The following TXNRD3 variants were observed in gnomAD, a reference collection of about 807,000 sequenced individuals.
The protein encoded by TXNRD3 is thioredoxin reductase 3, also known as TXNRD3 neighbor gene protein.
Under a neutral mutation model 78.2 loss-of-function variants are expected in TXNRD3, and 68 were observed. The observed-to-expected ratio is 0.87, with a 90% CI of 0.72 to 1.06. The LOEUF (loss-of-function observed/expected upper bound fraction) is 1.06. TXNRD3 is among the 50% of genes least tolerant of loss of function. TXNRD3 has a pLI of 0.00. For synonymous variants in TXNRD3, 296 were observed against 300.1 expected, an observed-to-expected ratio of 0.99 and a Z score of 0.14; for missense variants, 751 against 809.5, an observed-to-expected ratio of 0.93 and a Z score of 0.88.
At chr3:126,649,639 A>C (rs563744352) in intron 1 of TXNRD3, among the ~76,000 whole-genome samples, 2 of 152,378 alleles carry the variant, frequency 1.3e-5, no homozygotes, top group South Asian at 4.1e-4. Context: ...TGTTATATAC[A>C]TACAGTGGAA....
intron 5 of TXNRD3, among the ~76,000 whole-genome samples, chr3:126,643,168 C>A (rs887985283): frequency 6.6e-6 from 1 of 152,180 alleles, no homozygotes; most frequent in East Asian, 1.9e-4. Flanking sequence ...TCTTCCTCTG[C>A]CCTCTTCCCC....
intron 13 of TXNRD3, among the ~76,000 whole-genome samples, chr3:126,613,691 G>A (rs1282590413): frequency 5.3e-5 from 8 of 152,192 alleles, no homozygotes; most frequent in Non-Finnish European, 1.2e-4. Flanking sequence ...ACATCATAGT[G>A]TAACACATTA....
At chr3:126,614,915 T>C (rs2107610617) in intron 13 of TXNRD3, among the ~76,000 whole-genome samples, 1 of 152,164 alleles carries the variant, frequency 6.6e-6, no homozygotes, top group Non-Finnish European at 1.5e-5. Context: ...AGGTTATAAT[T>C]GGACAGGGTT....
intron 12 of TXNRD3, among the ~76,000 whole-genome samples, chr3:126,621,401 C>T (rs1162277747): frequency 6.6e-6 from 1 of 152,154 alleles, no homozygotes; most frequent in Non-Finnish European, 1.5e-5. Context: ...ATTAAACATC[C>T]CTTCAGTGTC....
At chr3:126,615,243 T>C (rs748022324) in intron 13 of TXNRD3, 112 bp downstream of exon 13, 41 of 493,418 alleles carry the variant, frequency 8.3e-5, no homozygotes, top group Admixed American at 3.8e-4. Context: ...TATGATTTCC[T>C]ACAATATAAC....
intron 12 of TXNRD3, among the ~76,000 whole-genome samples, chr3:126,619,281 T>A (rs1938388309): frequency 6.6e-6 from 1 of 152,094 alleles, no homozygotes; most frequent in African/African-American, 2.4e-5. Context: ...GCAGCACTAT[T>A]CAAAACAGGA....
chr3:126,643,811 G>T (rs1296309455), intron 5 of TXNRD3, among the ~76,000 whole-genome samples, 170 bp downstream of exon 5: 2 of 152,074 alleles, frequency 1.3e-5, no homozygotes, highest in Admixed American at 1.3e-4. Flanking sequence ...CTCTCAAAGT[G>T]CTGGGATTTC....
intron 6 of TXNRD3, among the ~76,000 whole-genome samples, chr3:126,635,817 A>G (rs1333944534): frequency 6.6e-6 from 1 of 152,172 alleles, no homozygotes; most frequent in Non-Finnish European, 1.5e-5. Flanking sequence ...TTTCCATTAT[A>G]CATGTGAGTA....
At chr3:126,622,372 T>C (rs1174808363) in intron 11 of TXNRD3, 92 bp downstream of exon 11, 1 of 823,906 alleles carries the variant, frequency 1.2e-6, no homozygotes, top group African/African-American at 1.7e-5. Context: ...AATTAAGACA[T>C]ATCTCAGTAA....
chr3:126,642,412 A>G (rs1031646911), intron 5 of TXNRD3, among the ~76,000 whole-genome samples: 4 of 152,224 alleles, frequency 2.6e-5, no homozygotes, highest in African/African-American at 9.6e-5. Flanking sequence ...AGTCTGATCC[A>G]CAGAGATCAG....
At chr3:126,642,816 T>C (rs1180674689) in intron 5 of TXNRD3, among the ~76,000 whole-genome samples, 5 of 152,216 alleles carry the variant, frequency 3.3e-5, no homozygotes, top group African/African-American at 1.2e-4. Context: ...TATAACTTTC[T>C]GAGTAAGTTT....
intron 9 of TXNRD3, among the ~76,000 whole-genome samples, chr3:126,630,484 G>A (rs941107525): frequency 6.6e-6 from 1 of 152,150 alleles, no homozygotes; most frequent in African/African-American, 2.4e-5. Flanking sequence ...CCTTGAAAAG[G>A]TGAAACAAAG....
In TXNRD3 at chr3:126,621,798, C is replaced by G; in HGVS notation, c.1468G>C (p.Ala490Pro). Reference sequence around the variant, plus strand: ...GCTAGCAGCTTGCCTGACTGTATGGCGACAGGAGTGAGCTCTGGCTTATCC... The same window carrying G: ...GCTAGCAGCTTGCCTGACTGTATGGGGACAGGAGTGAGCTCTGGCTTATCC... The change falls in exon 12 of 16, where the codon GCC becomes CCC. Residue 490 changes from alanine to proline, a missense_variant. Transcript: ENST00000524230. 6.5e-7 allele frequency: 1 copy of G among 1,534,842 alleles called. No homozygotes were observed.
intron 6 of TXNRD3, among the ~76,000 whole-genome samples, chr3:126,639,566 A>G (rs1170207980): frequency 2.0e-5 from 3 of 152,054 alleles, no homozygotes; most frequent in Non-Finnish European, 4.4e-5. Flanking sequence ...TTTAGGGAAA[A>G]GAAAGATTTT....
chr3:126,615,462 A>T lies in TXNRD3; in HGVS notation c.1525T>A (p.Cys509Ser). The T allele has an allele frequency of 7.0e-7, 1 of 1,436,188 alleles. No individual in the cohort carries two copies. Among genetic ancestry groups the T allele is most frequent in the Non-Finnish European group, 9.3e-7 (1 of 1,080,752 alleles). The allele number at this position is 1,436,188 out of a possible 1,614,324, so 89.0% of individuals were successfully genotyped here. Residue 509 changes from cysteine to serine, a missense_variant and splice_region_variant, in exon 13 of 16, where the codon TGT becomes AGT. Cys to Ser is a moderately radical substitution (Grantham distance 112, BLOSUM62 -1). Transcript: ENST00000524230. ...GTAGTCGGAACATTAATATAATCAC[A>T]CTGAAAGACAAACAAATTACATTGT...
chr3:126,607,606 C>T lies in TXNRD3; in HGVS notation c.*299G>A, dbSNP rs527872892. 10 of 276,212 alleles carry T rather than the reference C, an allele frequency of 3.6e-5. No individual in the cohort carries two copies. Among genetic ancestry groups the T allele is most frequent in the Non-Finnish European group, 6.7e-5 (10 of 148,768 alleles). The allele number at this position is 276,212 out of a possible 1,614,324, so 17.1% of individuals were successfully genotyped here. A position where few individuals can be genotyped will look rare whatever the true frequency, so the allele number is the denominator to read the frequency against. ...GAATGGTGCCACTCAAAGGTCTTTC[C>T]GAGGGAAGCTCAGTCCTGGCTTGCG... On this transcript the variant is annotated 3_prime_UTR_variant, in exon 16 of 16. Coordinates refer to ENST00000524230, the MANE Select transcript of TXNRD3 (RefSeq NM_052883.3).
At chr3:126,630,546 C>T (rs1340215715) in intron 9 of TXNRD3, among the ~76,000 whole-genome samples, 166 bp downstream of exon 9, 17 of 152,178 alleles carry the variant, frequency 1.1e-4, no homozygotes, top group Non-Finnish European at 1.3e-4. Context: ...CCTCCTATAT[C>T]AGAAGAGGGG....
At chr3:126,643,904 T>G in intron 5 of TXNRD3, 77 bp downstream of exon 5, 4 of 1,327,972 alleles carry the variant, frequency 3.0e-6, no homozygotes, top group South Asian at 1.4e-5. Flanking sequence ...GAGATTGTTG[T>G]GAGGATTAAA....
intron 13 of TXNRD3, among the ~76,000 whole-genome samples, chr3:126,611,805 A>G (rs994636078): frequency 1.3e-5 from 2 of 152,234 alleles, no homozygotes; most frequent in African/African-American, 4.8e-5. Context: ...AGAATTGGAA[A>G]TGTAGTATGA....
Sources: allele counts gnomAD v4.1 joint callset (sites outside exome capture counted in the v4.1 genomes callset), GRCh38; gene constraint gnomAD v4.1.1; transcripts MANE v1.5; gene names NCBI Gene and HGNC (gene_info 2026-07-23, HGNC 2026-07-21).